The following DNAH17 variants were observed in gnomAD, a reference collection of about 807,000 sequenced individuals.
The protein encoded by DNAH17 is dynein axonemal heavy chain 17.
Under a neutral mutation model 485.6 loss-of-function variants are expected in DNAH17, and 376 were observed. That is an observed-to-expected ratio of 0.77 (90% CI 0.71 to 0.84). DNAH17 has a LOEUF of 0.84. Among genes scored for constraint, DNAH17 ranks in the 40% least tolerant of loss-of-function variants. The pLI, the probability that DNAH17 is intolerant of heterozygous loss-of-function variation, is 0.00. For synonymous variants in DNAH17, 3,031 were observed against 2,405.9 expected, an observed-to-expected ratio of 1.26 and a Z score of -7.60; for missense variants, 6,370 against 5,839.3, an observed-to-expected ratio of 1.09 and a Z score of -2.96.
Position 78,501,793 on chromosome 17 carries a change from G to C in DNAH17, c.5271C>G (p.Cys1757Trp), listed in dbSNP as rs2090302036. ...CGTCCCGTGCGTGCACATCGATGGT[G>C]CAGATGGTCATGATCTTCATCCTGT... ...AGDRMKIMTI[C>W]TIDVHARDVV... The change falls in exon 34 of 81, where the codon TGC becomes TGG. Residue 1757 changes from cysteine to tryptophan, a missense_variant. By Grantham distance (215) the Cys-to-Trp change is radical (BLOSUM62 -2). Coordinates refer to ENST00000389840, the MANE Select transcript of DNAH17 (RefSeq NM_173628.4). 6.2e-7 allele frequency: 1 copy of C among 1,613,836 alleles called. No individual in the cohort carries two copies. The highest frequency in any genetic ancestry group is 1.3e-5 in the African/African-American group (1 of 74,940).
intron 14 of DNAH17, among the ~76,000 whole-genome samples, chr17:78,554,956 AGGCT>A (rs2091988182): frequency 6.6e-6 from 1 of 152,146 alleles, no homozygotes; most frequent in South Asian, 2.1e-4. Flanking sequence ...CACGTTGGCC[AGGCT>A]GGCCTCGAAC....
At chr17:78,564,714 C>G (rs1318552682) in intron 11 of DNAH17, among the ~76,000 whole-genome samples, 1 of 152,144 alleles carries the variant, frequency 6.6e-6, no homozygotes, top group Non-Finnish European at 1.5e-5. Context: ...CTCAGAAGCG[C>G]CTGCCCTGTG....
chr17:78,454,347 T>A, intron 64 of DNAH17, 123 bp downstream of exon 64: 1 of 723,390 alleles, frequency 1.4e-6, no homozygotes. Context: ...CAGGCCAGAT[T>A]TAAAACCTGT....
chr17:78,516,634 G>A (rs917121165), intron 25 of DNAH17, among the ~76,000 whole-genome samples: 7 of 148,280 alleles, frequency 4.7e-5, no homozygotes, highest in South Asian at 2.1e-4. Flanking sequence ...AGGTTGCAGC[G>A]AGTGGACATC....
rs373402572 is a variant in DNAH17, at chr17:78,539,852, G to A, written c.2561C>T (p.Thr854Ile). Residue 854 changes from threonine to isoleucine, a missense_variant, in exon 18 of 81, where the codon ACA becomes ATA. Coordinates refer to ENST00000389840, the MANE Select transcript of DNAH17 (RefSeq NM_173628.4). ...ATAATCCTTCCAGGGCAGGCTCAGT[G>A]TGTCTGCCCTGAATAGTTCTGCGTT... ...AENAELFRAD[T>I]LSLPWKDYVI... The A allele has an allele frequency of 4.4e-6, 7 of 1,607,362 alleles. No homozygotes were observed. Among genetic ancestry groups the A allele is most frequent in the African/African-American group, 1.3e-5 (1 of 74,612 alleles).
chr17:78,484,173 G>C (rs74001370), intron 48 of DNAH17, among the ~76,000 whole-genome samples: 1 of 144,950 alleles, frequency 6.9e-6, no homozygotes, highest in Non-Finnish European at 1.5e-5. Context: ...AAACCTAAAC[G>C]TGCCACCTTT....
chr17:78,448,990 C>T (rs538202161), intron 69 of DNAH17, among the ~76,000 whole-genome samples: 1 of 152,314 alleles, frequency 6.6e-6, no homozygotes, highest in East Asian at 1.9e-4. Flanking sequence ...TCAGAGAATG[C>T]AGATCTTTAA....
chr17:78,448,392 T>G (rs2087403981), intron 69 of DNAH17, among the ~76,000 whole-genome samples: 2 of 152,090 alleles, frequency 1.3e-5, no homozygotes, highest in African/African-American at 4.8e-5. Flanking sequence ...CCTAGCATGG[T>G]GGCACATGCC....
chr17:78,453,471 G>A lies in DNAH17; in HGVS notation c.10407-6C>T. The A allele has an allele frequency of 1.2e-6, 2 of 1,613,752 alleles. No homozygotes were observed. The highest frequency in any genetic ancestry group is 1.7e-6 in the Non-Finnish European group (2 of 1,179,718). On this transcript the variant is annotated splice_polypyrimidine_tract_variant and splice_region_variant and intron_variant, in intron 64 of 80. Transcript: ENST00000389840. ...GCTCGATGACATCCAGGTAGCTGCG[G>A]GCACAACACGGAAGCTGGTTCATGG...
chr17:78,557,960 G>C (rs552942425), intron 14 of DNAH17, 148 bp downstream of exon 14: 3 of 996,718 alleles, frequency 3.0e-6, no homozygotes, highest in Middle Eastern at 4.3e-4. Context: ...CAGGTACTCA[G>C]TAAGTATGCA....
chr17:78,543,714 T>G, intron 17 of DNAH17, 143 bp downstream of exon 17: 1 of 1,267,518 alleles, frequency 7.9e-7, no homozygotes, highest in African/African-American at 1.5e-5. Flanking sequence ...TGAGAGCCAC[T>G]GCATCCAGCC....
intron 66 of DNAH17, among the ~76,000 whole-genome samples, chr17:78,451,069 C>T (rs2087528376): frequency 6.6e-6 from 1 of 152,214 alleles, no homozygotes; most frequent in South Asian, 2.1e-4. Flanking sequence ...CTGTAGGGGG[C>T]AGAACGGGGA....
intron 20 of DNAH17, among the ~76,000 whole-genome samples, chr17:78,531,451 G>T (rs1458076031): frequency 2.8e-5 from 4 of 144,520 alleles, no homozygotes; most frequent in Non-Finnish European, 4.5e-5. Context: ...CCATTCTCTT[G>T]CCTCAGCCTC....
intron 74 of DNAH17, among the ~76,000 whole-genome samples, chr17:78,434,592 C>T (rs1032633502): frequency 6.6e-6 from 1 of 152,030 alleles, no homozygotes; most frequent in South Asian, 2.1e-4. Flanking sequence ...TGCACAGTAT[C>T]CCAAACTCTA....
rs372351110 is a variant in DNAH17 at position 78,427,015 on chromosome 17, C to G, written c.12682G>C (p.Val4228Leu). 6.2e-7 allele frequency: 1 copy of G among 1,609,412 alleles called. No homozygotes were observed. Among genetic ancestry groups the G allele is most frequent in the African/African-American group, 1.3e-5 (1 of 74,842 alleles). Residue 4228 changes from valine (V) to leucine (L), a missense_variant, in exon 78 of 81, where the codon GTG becomes CTG. Physicochemically the swap from Val to Leu is conservative, Grantham distance 32 (BLOSUM62 1). Transcript: ENST00000389840. ...TCACATTCTTGAAAGGCGACTACCA[C>G]GTAGGGGGTCTTTTCCGCTGCCTTT... The part of the protein sequence containing the change: ...MAKAAEKTPY[V>L]VVAFQECERM...
At chr17:78,561,052 C>T (rs924730131) in intron 12 of DNAH17, 117 bp from the exon 13 acceptor site, 22 of 936,068 alleles carry the variant, frequency 2.4e-5, no homozygotes, top group Admixed American at 1.2e-4. Flanking sequence ...CCCAATTACT[C>T]GAGGCTCACA....
At position 78,572,681 on chromosome 17, in the gene DNAH17, A is replaced by C. The variant is rs28633591; in HGVS notation, c.539+20T>G. On this transcript the variant is annotated intron_variant, in intron 3 of 80. Transcript: ENST00000389840. ...CTCTTCCCCACCCAGCGGCAGCCGG[A>C]AGCAGCTGGGCCCACACACCTCTCC... 26,313 of 1,579,214 alleles carry C rather than the reference A, an allele frequency of 0.017. 2,095 individuals carry two copies. In the African/African-American group the frequency reaches 0.22, roughly 13 times the overall value.
chr17:78,461,707 A>C lies in DNAH17; in HGVS notation c.9176T>G (p.Val3059Gly). Residue 3059 changes from valine to glycine, a missense_variant and splice_region_variant, in exon 58 of 81, where the codon GTG (valine) becomes GGG (glycine). Transcript: ENST00000389840. ...LMKLQSTASQ[V>G]DDLKAKLAIQ... ...CGCCAACTTGGCTTTCAAATCATCC[A>C]CCTGGGGAAGGAGAAACCGAGAAAC... The C allele has an allele frequency of 1.2e-6, 2 of 1,607,570 alleles. No individual in the cohort carries two copies. Among genetic ancestry groups the C allele is most frequent in the Non-Finnish European group, 8.5e-7 (1 of 1,177,338 alleles).
chr17:78,458,573 C>T lies in DNAH17; in HGVS notation c.9969G>A (p.Leu3323=), dbSNP rs776507771. 8 of 1,613,844 alleles carry T rather than the reference C, an allele frequency of 5.0e-6. No homozygotes were observed. The South Asian group carries it at 7.7e-5, about 16-fold the overall frequency. The part of the protein sequence containing the change: ...EADATNRVIL[L]ANRLVGGLAS... ...CGGGGAGGAGCTGATACCTGTTCGC[C>T]AGTAAGATCACCCTGTTCGTGGCAT... The change falls in exon 62 of 81, where the codon CTG becomes CTA. Residue 3323 remains leucine, a synonymous_variant. Coordinates refer to ENST00000389840, the MANE Select transcript of DNAH17 (RefSeq NM_173628.4).
Sources: gnomAD v4.1 joint callset for allele counts (sites outside exome capture counted in the v4.1 genomes callset) on GRCh38, gnomAD v4.1.1 for gene constraint, MANE v1.5 for transcripts, NCBI Gene and HGNC (gene_info 2026-07-23, HGNC 2026-07-21) for gene names.